Variants in XYLT1 observed in about 807,000 individuals in gnomAD.
The protein encoded by XYLT1 is xylosyltransferase 1, also known as beta-D-xylosyltransferase 1.
In XYLT1, 36 loss-of-function variants were observed where a neutral mutation model predicts 91.3. That is an observed-to-expected ratio of 0.39 (90% CI 0.30 to 0.52). XYLT1 has a LOEUF of 0.52. XYLT1 is among the 20% of genes least tolerant of loss of function. XYLT1 has a pLI of 0.68. For synonymous variants in XYLT1, 588 were observed against 532.0 expected (o/e 1.11, Z -1.45); for missense variants, 1,242 against 1,284.5 (o/e 0.97, Z 0.51).
At chr16:17,155,166 CTG>C (rs2031374571) in intron 6 of XYLT1, among the ~76,000 whole-genome samples, 1 of 152,218 alleles carries the variant, frequency 6.6e-6, no homozygotes, top group Non-Finnish European at 1.5e-5. Flanking sequence ...AGCTTGGACT[CTG>C]TGAACACTCA....
At chr16:17,232,429 G>GTATATATATA (rs144659961) in intron 3 of XYLT1, among the ~76,000 whole-genome samples, 63 of 121,694 alleles carry the variant, frequency 5.2e-4, no homozygotes, top group Non-Finnish European at 8.9e-4. Flanking sequence ...GTGTGTGTGT[G>GTATATATATA]TATATATATA....
chr16:17,196,260 T>C (rs2032424910), intron 5 of XYLT1, among the ~76,000 whole-genome samples: 1 of 152,236 alleles, frequency 6.6e-6, no homozygotes, highest in South Asian at 2.1e-4. Flanking sequence ...TCCATGCTTG[T>C]ACCTTGTTTG....
rs375536461 is a variant in XYLT1, at chr16:17,258,954, G to T, written c.913+34C>A. 4 of 1,482,328 alleles carry T rather than the reference G, an allele frequency of 2.7e-6. No homozygotes were observed. The African/African-American group carries it at 5.6e-5, about 21-fold the overall frequency. 91.8% of individuals were successfully genotyped at this position (1,482,328 alleles called of 1,614,324 possible). A position where few individuals can be genotyped will look rare whatever the true frequency, so the allele number is the denominator to read the frequency against. ...GGGCAGGAGGAGGAAGTGGCCAGGA[G>T]ATCCCTCTCTGAGCCAGCGGGGTTG... is the stretch of plus-strand genomic sequence containing the variant. On this transcript the variant is annotated intron_variant, in intron 3 of 11. Coordinates refer to ENST00000261381, the MANE Select transcript of XYLT1 (RefSeq NM_022166.4).
At chr16:17,271,946 A>C (rs910475788) in intron 2 of XYLT1, among the ~76,000 whole-genome samples, 4 of 152,146 alleles carry the variant, frequency 2.6e-5, no homozygotes, top group Admixed American at 6.5e-5. Flanking sequence ...AAAGGGCCAG[A>C]GTTAACCAAG....
chr16:17,173,808 G>A (rs149916401), intron 5 of XYLT1, among the ~76,000 whole-genome samples: 4 of 152,186 alleles, frequency 2.6e-5, no homozygotes, highest in African/African-American at 4.8e-5. Flanking sequence ...TAATCCTTGC[G>A]GTACCACCTT....
intron 6 of XYLT1, among the ~76,000 whole-genome samples, chr16:17,149,345 G>C (rs1686118004): frequency 6.6e-6 from 1 of 151,790 alleles, no homozygotes. Flanking sequence ...GAGCAAGAAG[G>C]AATCTTCACA....
rs564160353 is a variant in XYLT1, at chr16:17,152,101, C to G, written c.1370+6728G>C. Among the ~76,000 whole-genome samples, 109 of 152,172 alleles carry G rather than the reference C, an allele frequency of 7.2e-4. No individual in the cohort carries two copies. In the South Asian group the frequency reaches 7.5e-3, roughly 10 times the overall value. Reference sequence around the variant, plus strand: ...TTCTGATTATAAAAGGAATGCATAGCCTTGATAGATGGTTTGGAACATAAA... The same window carrying G: ...TTCTGATTATAAAAGGAATGCATAGGCTTGATAGATGGTTTGGAACATAAA... On this transcript the variant is annotated intron_variant, in intron 6 of 11. Transcript: ENST00000261381.
At position 17,313,227 on chromosome 16, in the gene XYLT1, A is replaced by G. The variant is rs550348499; in HGVS notation, c.402+44785T>C. On this transcript the variant is annotated intron_variant, in intron 2 of 11. Coordinates refer to ENST00000261381, the MANE Select transcript of XYLT1 (RefSeq NM_022166.4). ...CAGCCCCTGCCCCTGGAGCCCTGGC[A>G]ACTTCACAGAGGCCTGCTTGTGAGG... 5.9e-5 allele frequency among the ~76,000 whole-genome samples: 9 copies of G among 152,322 alleles called. No homozygotes were observed. The East Asian group carries it at 1.7e-3, about 29-fold the overall frequency.
intron 7 of XYLT1, among the ~76,000 whole-genome samples, chr16:17,140,308 C>T (rs142614254): frequency 6.6e-6 from 1 of 152,272 alleles, no homozygotes; most frequent in Non-Finnish European, 1.5e-5. Flanking sequence ...TGAGAAAAGG[C>T]ATGCTTGGTG....
At chr16:17,295,791 T>TA (rs1380761910) in intron 2 of XYLT1, among the ~76,000 whole-genome samples, 5 of 152,250 alleles carry the variant, frequency 3.3e-5, no homozygotes, top group Non-Finnish European at 7.4e-5. Context: ...AGATGCTGCT[T>TA]AATATCCTGT....
At chr16:17,247,931 G>C (rs536318268) in intron 3 of XYLT1, among the ~76,000 whole-genome samples, 1 of 152,284 alleles carries the variant, frequency 6.6e-6, no homozygotes, top group African/African-American at 2.4e-5. Flanking sequence ...CTCTTGTTCA[G>C]GGCTCAAAAG....
At chr16:17,469,314 C>G (rs955577433) in intron 1 of XYLT1, among the ~76,000 whole-genome samples, 1 of 152,240 alleles carries the variant, frequency 6.6e-6, no homozygotes, top group Non-Finnish European at 1.5e-5. Flanking sequence ...TATCCTTTAA[C>G]GGCTAGGCAA....
intron 6 of XYLT1, among the ~76,000 whole-genome samples, chr16:17,147,889 T>C (rs1375212693): frequency 6.6e-6 from 1 of 152,244 alleles, no homozygotes; most frequent in Non-Finnish European, 1.5e-5. Context: ...CTCTCTCACC[T>C]GAGGCGTGAA....
intron 1 of XYLT1, among the ~76,000 whole-genome samples, chr16:17,416,223 A>C (rs1453729786): frequency 6.6e-6 from 1 of 152,214 alleles, no homozygotes; most frequent in Non-Finnish European, 1.5e-5. Context: ...AGACATTGCC[A>C]GATAATGCAC....
In XYLT1 at chr16:17,221,489, C is replaced by G. The variant is rs117410864; in HGVS notation, c.914-20835G>C. On this transcript the variant is annotated intron_variant, in intron 3 of 11. Transcript: ENST00000261381. ...GACTCAAGAGGTTATATAGCATAACCAAGATCACACAGCTAGTGGCCAAGC... is the reference window on the plus strand; with the variant it reads ...GACTCAAGAGGTTATATAGCATAACGAAGATCACACAGCTAGTGGCCAAGC... 6.0e-4 allele frequency among the ~76,000 whole-genome samples: 91 copies of G among 152,282 alleles called. No homozygotes were observed. In the East Asian group the frequency reaches 0.015, roughly 25 times the overall value.
intron 2 of XYLT1, among the ~76,000 whole-genome samples, chr16:17,309,729 T>G (rs2034516606): frequency 6.6e-6 from 1 of 152,236 alleles, no homozygotes; most frequent in Admixed American, 6.5e-5. Flanking sequence ...TTGGAAGCAC[T>G]TCTTGTCCCA....
chr16:17,419,954 T>C (rs1386712610), intron 1 of XYLT1, among the ~76,000 whole-genome samples: 1 of 152,194 alleles, frequency 6.6e-6, no homozygotes, highest in East Asian at 1.9e-4. Flanking sequence ...TATTTGTTGA[T>C]AAATAATGAA....
At chr16:17,213,103 G>C (rs1330460535) in intron 3 of XYLT1, among the ~76,000 whole-genome samples, 1 of 152,196 alleles carries the variant, frequency 6.6e-6, no homozygotes, top group African/African-American at 2.4e-5. Context: ...GGAGGTGACT[G>C]GATCATGGGG....
chr16:17,255,219 G>A (rs149577321), intron 3 of XYLT1, among the ~76,000 whole-genome samples: 3,106 of 151,996 alleles, frequency 0.02, 112 homozygotes, highest in African/African-American at 0.069. Context: ...GGCTGGTCTC[G>A]AACTCCTGAT....
Sources: gnomAD v4.1 joint callset for allele counts (sites outside exome capture counted in the v4.1 genomes callset) on GRCh38, gnomAD v4.1.1 for gene constraint, MANE v1.5 for transcripts, NCBI Gene and HGNC (gene_info 2026-07-23, HGNC 2026-07-21) for gene names.